The following RYR2 variants were observed in gnomAD, a reference collection of about 807,000 sequenced individuals.
RYR2 encodes cardiac muscle ryanodine receptor-calcium release channel.
RYR2 carries 227 observed loss-of-function variants against 601.1 expected under a neutral mutation model. That is an observed-to-expected ratio of 0.38 (90% confidence interval 0.34 to 0.42). The LOEUF (loss-of-function observed/expected upper bound fraction) is 0.42. Among genes scored for constraint, RYR2 ranks in the 10% least tolerant of loss-of-function variants. RYR2 has a pLI of 1.00. For synonymous variants in RYR2, 2,223 were observed against 2,175.1 expected (o/e 1.02, Z -0.61); for missense variants, 4,646 against 6,156.5 (o/e 0.75, Z 8.21).
At chr1:237,814,965 C>CTTTTTTTTTTTTTTTTTTTT in intron 100 of RYR2, among the ~76,000 whole-genome samples, 1 of 93,914 alleles carries the variant, frequency 1.1e-5, no homozygotes. Flanking sequence ...TTTCTTTTTT[C>CTTTTTTTTTTTTTTTTTTTT]TTTTTTTTTT....
At chr1:237,429,521 C>T (rs770215227) in intron 12 of RYR2, among the ~76,000 whole-genome samples, 9 of 152,136 alleles carry the variant, frequency 5.9e-5, no homozygotes, top group Non-Finnish European at 1.0e-4. Context: ...CACCCCACCC[C>T]TCCACAGACT....
intron 1 of RYR2, among the ~76,000 whole-genome samples, chr1:237,085,969 G>A (rs1572580559): frequency 6.6e-6 from 1 of 152,210 alleles, no homozygotes; most frequent in East Asian, 1.9e-4. Context: ...TGCCCAGGCT[G>A]ATCTTGAACT....
At chr1:237,418,435 C>G (rs982717499) in intron 11 of RYR2, among the ~76,000 whole-genome samples, 1 of 152,188 alleles carries the variant, frequency 6.6e-6, no homozygotes, top group African/African-American at 2.4e-5. Flanking sequence ...GTTTCTGCTC[C>G]TGTGTCCCAT....
At chr1:237,131,485 A>G (rs901082132) in intron 1 of RYR2, among the ~76,000 whole-genome samples, 3 of 152,168 alleles carry the variant, frequency 2.0e-5, no homozygotes, top group African/African-American at 7.2e-5. Flanking sequence ...TGGCCCAGAT[A>G]TTTGAACTAT....
rs372646942 is a variant in RYR2, at chr1:237,126,106, G to A, written c.48+83537G>A. Among the ~76,000 whole-genome samples, 80 of 152,182 alleles carry A rather than the reference G, an allele frequency of 5.3e-4. 1 individual carries two copies. The East Asian group carries it at 0.012, about 23-fold the overall frequency. On this transcript the variant is annotated intron_variant, in intron 1 of 104. Transcript: ENST00000366574. Reference sequence around the variant, plus strand: ...ACAAGAATTAGCCAGGCATGGTGGCGGGCGCCTGTAATCCCAGCTACTCGG... The same window carrying A: ...ACAAGAATTAGCCAGGCATGGTGGCAGGCGCCTGTAATCCCAGCTACTCGG...
chr1:237,305,804 G>A (rs1204271631), intron 2 of RYR2, among the ~76,000 whole-genome samples: 1 of 152,186 alleles, frequency 6.6e-6, no homozygotes, highest in Admixed American at 6.5e-5. Flanking sequence ...ACAGGAGAAT[G>A]TTGTGGAGAG....
chr1:237,792,380 T>TGCGC (rs1363663592), intron 94 of RYR2, 57 bp downstream of exon 94: 4 of 838,522 alleles, frequency 4.8e-6, no homozygotes, highest in Middle Eastern at 3.4e-4. Flanking sequence ...TGTGTGTGTG[T>TGCGC]GCGTGTGTGT....
chr1:237,340,785 A>G (rs1697701283), intron 3 of RYR2, among the ~76,000 whole-genome samples: 1 of 152,216 alleles, frequency 6.6e-6, no homozygotes, highest in Non-Finnish European at 1.5e-5. Context: ...ATAAATATTT[A>G]CCTACCTGTC....
chr1:237,407,301 TG>T (rs1203746505), intron 10 of RYR2, among the ~76,000 whole-genome samples: 3 of 152,304 alleles, frequency 2.0e-5, no homozygotes, highest in Non-Finnish European at 4.4e-5. Flanking sequence ...CTAATTTATT[TG>T]GGTAAATATC....
intron 63 of RYR2, among the ~76,000 whole-genome samples, chr1:237,691,646 T>C (rs771502290): frequency 1.1e-4 from 16 of 152,230 alleles, no homozygotes; most frequent in Non-Finnish European, 2.1e-4. Context: ...CATTTTATGT[T>C]ATGTTTAAAA....
At chr1:237,667,666 G>C (rs1558178828) in intron 57 of RYR2, among the ~76,000 whole-genome samples, 1 of 152,106 alleles carries the variant, frequency 6.6e-6, no homozygotes, top group Non-Finnish European at 1.5e-5. Flanking sequence ...GAATAACAAT[G>C]ACCATTTTCA....
intron 10 of RYR2, among the ~76,000 whole-genome samples, chr1:237,416,766 A>AGG (rs1705041184): frequency 1.3e-5 from 2 of 150,900 alleles, no homozygotes; most frequent in Non-Finnish European, 3.0e-5. Context: ...ACACACACAG[A>AGG]GAGAGAGAGA....
intron 12 of RYR2, among the ~76,000 whole-genome samples, chr1:237,432,477 A>T (rs1480208654): frequency 6.6e-6 from 1 of 152,132 alleles, no homozygotes; most frequent in Non-Finnish European, 1.5e-5. Flanking sequence ...TCGAAGTGGT[A>T]TAGGGGGATT....
chr1:237,225,969 C>T (rs1684319101), intron 1 of RYR2, among the ~76,000 whole-genome samples: 3 of 151,756 alleles, frequency 2.0e-5, no homozygotes, highest in Admixed American at 6.6e-5. Flanking sequence ...GCAGAAGAAT[C>T]GCTTGAACTG....
chr1:237,790,517 G>A (rs1202612677), intron 92 of RYR2, among the ~76,000 whole-genome samples: 4 of 151,880 alleles, frequency 2.6e-5, no homozygotes, highest in Non-Finnish European at 5.9e-5. Flanking sequence ...ACTGCACCAA[G>A]TCCTCCTGAA....
At chr1:237,631,576 T>G in intron 42 of RYR2, 35 bp downstream of exon 42, 13 of 1,109,988 alleles carry the variant, frequency 1.2e-5, no homozygotes, top group Non-Finnish European at 1.6e-5. Flanking sequence ...CTATTTAGTA[T>G]CATCTCCTGG....
chr1:237,082,495 C>T (rs1225001434), intron 1 of RYR2, among the ~76,000 whole-genome samples: 1 of 125,284 alleles, frequency 8.0e-6, no homozygotes, highest in African/African-American at 2.8e-5. Context: ...AATTAAAACC[C>T]CTGTGTTATA....
In RYR2 at chr1:237,042,710, G is replaced by T. The variant is rs1660062186; in HGVS notation, c.48+141G>T. On this transcript the variant is annotated intron_variant, in intron 1 of 104. Transcript: ENST00000366574. ...GCCCCCTGAGGATGCGGGAGGAGCG[G>T]GCATCACCAAGTGTGTGCAGGTGTG... 3.7e-6 allele frequency: 3 copies of T among 801,140 alleles called. No individual in the cohort carries two copies. The East Asian group carries it at 1.0e-4, about 27-fold the overall frequency. 49.6% of individuals were successfully genotyped at this position (801,140 alleles called of 1,614,324 possible).
chr1:237,523,363 C>A (rs1418366295), intron 24 of RYR2, among the ~76,000 whole-genome samples: 8 of 152,122 alleles, frequency 5.3e-5, no homozygotes, highest in Admixed American at 5.2e-4. Flanking sequence ...CATACCAATC[C>A]TAACAAAGGA....
Sources: allele counts gnomAD v4.1 joint callset (sites outside exome capture counted in the v4.1 genomes callset), GRCh38; gene constraint gnomAD v4.1.1; transcripts MANE v1.5; gene names NCBI Gene and HGNC (gene_info 2026-07-23, HGNC 2026-07-21).